The following CDH12 variants were observed in gnomAD, a reference collection of about 807,000 sequenced individuals.
CDH12 encodes the protein cadherin 12, also known as cadherin-12.
A neutral mutation model predicts 74.1 loss-of-function variants in CDH12; 41 were observed. The ratio of observed to expected loss-of-function variants is 0.55; its 90% CI spans 0.43 to 0.72. The LOEUF (loss-of-function observed/expected upper bound fraction) is 0.72, where lower values mean the gene tolerates loss of function less well. CDH12 is among the 30% of genes least tolerant of loss of function. The pLI, the probability that CDH12 is intolerant of heterozygous loss-of-function variation, is 0.00. For missense variants in CDH12, 945 were observed against 977.2 expected (o/e 0.97, Z 0.44); for synonymous variants, 399 against 355.0 (o/e 1.12, Z -1.39).
rs887758892 is a variant in CDH12 at position 21,993,775 on chromosome 5, T to C, written c.232-18390A>G. On this transcript the variant is annotated intron_variant, in intron 5 of 14. Transcript: ENST00000382254. ...ATTCACACTGGGCTGAATTTTTGCC[T>C]GCAGAACTGTGAGTTAATAAATAAG... Among the ~76,000 whole-genome samples, 23 of 152,116 alleles carry C rather than the reference T, an allele frequency of 1.5e-4. No individual in the cohort carries two copies. In the East Asian group the frequency reaches 4.3e-3, roughly 28 times the overall value.
rs114851721 is a variant in CDH12, at chr5:22,719,673, G to C, written c.-523+133385C>G. Among the ~76,000 whole-genome samples the C allele has an allele frequency of 1.6e-3, 237 of 152,268 alleles. 1 individual carries two copies. Among genetic ancestry groups the C allele is most frequent in the African/African-American group, 5.5e-3 (228 of 41,576 alleles). ...AAGTGCAGGAGGCAGCAAGGTATTA[G>C]ATGTCATTTTGGGGGTAGAGGAGGC... On this transcript the variant is annotated intron_variant, in intron 1 of 14. Coordinates refer to ENST00000382254, the MANE Select transcript of CDH12 (RefSeq NM_004061.5).
At chr5:22,176,881 T>C (rs764171448) in intron 4 of CDH12, among the ~76,000 whole-genome samples, 31 of 152,112 alleles carry the variant, frequency 2.0e-4, no homozygotes, top group Non-Finnish European at 4.3e-4. Context: ...CAGCCCCATT[T>C]GCCTGCAATG....
At chr5:21,864,993 A>G (rs1465898514) in intron 6 of CDH12, among the ~76,000 whole-genome samples, 1 of 152,220 alleles carries the variant, frequency 6.6e-6, no homozygotes, top group Non-Finnish European at 1.5e-5. Context: ...AGGAGAGTTA[A>G]TGTAAATTTC....
At chr5:22,611,551 A>G (rs1233472180) in intron 1 of CDH12, among the ~76,000 whole-genome samples, 2 of 152,124 alleles carry the variant, frequency 1.3e-5, no homozygotes, top group Non-Finnish European at 2.9e-5. Context: ...CCCCTGGGCT[A>G]TTGATGTTAG....
chr5:22,467,821 T>A (rs1360600442), intron 2 of CDH12, among the ~76,000 whole-genome samples: 1 of 152,212 alleles, frequency 6.6e-6, no homozygotes, highest in Non-Finnish European at 1.5e-5. Flanking sequence ...ACCTACTAAG[T>A]TATTGATGGG....
intron 1 of CDH12, chr5:22,580,363 T>A: frequency 2.1e-6 from 1 of 469,232 alleles, no homozygotes; most frequent in Non-Finnish European, 4.4e-6. Context: ...GCTCTGAAAA[T>A]GCACACCAAG....
intron 3 of CDH12, among the ~76,000 whole-genome samples, chr5:22,340,079 C>G (rs533712487): frequency 6.6e-6 from 1 of 152,270 alleles, no homozygotes; most frequent in South Asian, 2.1e-4. Context: ...AATTTTTATG[C>G]TTACATAGTG....
At chr5:21,871,428 G>A (rs1313438391) in intron 6 of CDH12, among the ~76,000 whole-genome samples, 2 of 152,028 alleles carry the variant, frequency 1.3e-5, no homozygotes, top group South Asian at 2.1e-4. Context: ...TGCTATTCTA[G>A]GGTATGTAAA....
At chr5:22,121,024 C>T (rs1047338531) in intron 4 of CDH12, among the ~76,000 whole-genome samples, 1 of 152,128 alleles carries the variant, frequency 6.6e-6, no homozygotes, top group Admixed American at 6.6e-5. Flanking sequence ...TGAAGTTGAG[C>T]TTATCTCAAA....
intron 9 of CDH12, among the ~76,000 whole-genome samples, chr5:21,807,935 G>T (rs1747525134): frequency 6.6e-6 from 1 of 152,098 alleles, no homozygotes; most frequent in South Asian, 2.1e-4. Flanking sequence ...CTAACCAGGA[G>T]ACCCCTTAAA....
At chr5:22,634,412 TAACCAAA>T (rs1417854809) in intron 1 of CDH12, among the ~76,000 whole-genome samples, 6 of 151,938 alleles carry the variant, frequency 3.9e-5, no homozygotes, top group Non-Finnish European at 7.4e-5. Flanking sequence ...AGGTCAACAA[TAACCAAA>T]AGAGCAAAAG....
At chr5:21,932,825 T>C (rs1471357360) in intron 6 of CDH12, among the ~76,000 whole-genome samples, 2 of 150,938 alleles carry the variant, frequency 1.3e-5, no homozygotes, top group African/African-American at 4.9e-5. Flanking sequence ...AAAAAAAAGA[T>C]AGTAGCAAAT....
At chr5:22,635,106 G>A (rs1738772282) in intron 1 of CDH12, among the ~76,000 whole-genome samples, 1 of 151,950 alleles carries the variant, frequency 6.6e-6, no homozygotes, top group Admixed American at 6.6e-5. Context: ...TTACTTCTTA[G>A]TGCAGTAATC....
intron 3 of CDH12, among the ~76,000 whole-genome samples, chr5:22,258,972 A>T (rs1753416351): frequency 6.6e-6 from 1 of 152,204 alleles, no homozygotes; most frequent in African/African-American, 2.4e-5. Context: ...ATTATTACAG[A>T]TAAACACATC....
At chr5:22,150,850 C>A (rs901035662) in intron 4 of CDH12, among the ~76,000 whole-genome samples, 2 of 152,158 alleles carry the variant, frequency 1.3e-5, no homozygotes, top group African/African-American at 4.8e-5. Flanking sequence ...CAGCTCTTAA[C>A]AGGTCAAGCT....
intron 1 of CDH12, among the ~76,000 whole-genome samples, chr5:22,831,517 G>A (rs1736611479): frequency 6.6e-6 from 1 of 151,878 alleles, no homozygotes; most frequent in Non-Finnish European, 1.5e-5. Flanking sequence ...GTTCCTCCTG[G>A]ATAGATTACA....
intron 5 of CDH12, among the ~76,000 whole-genome samples, chr5:21,977,760 T>G (rs1257535410): frequency 6.6e-6 from 1 of 152,132 alleles, no homozygotes; most frequent in Non-Finnish European, 1.5e-5. Flanking sequence ...AAAGATGGGC[T>G]TTGCAGAGAT....
intron 1 of CDH12, among the ~76,000 whole-genome samples, chr5:22,634,866 T>C (rs1738758772): frequency 6.6e-6 from 1 of 152,080 alleles, no homozygotes. Context: ...CATAAGTAAA[T>C]CTAAAGTTGT....
intron 1 of CDH12, among the ~76,000 whole-genome samples, chr5:22,565,862 TA>T (rs1288431037): frequency 3.3e-5 from 5 of 152,156 alleles, no homozygotes; most frequent in African/African-American, 1.2e-4. Flanking sequence ...TTTTATTTTT[TA>T]TCAGGACACA....
Sources: gnomAD v4.1 joint callset for allele counts (sites outside exome capture counted in the v4.1 genomes callset) on GRCh38, gnomAD v4.1.1 for gene constraint, MANE v1.5 for transcripts, NCBI Gene and HGNC (gene_info 2026-07-23, HGNC 2026-07-21) for gene names.